Variants in RABGAP1L observed in about 807,000 individuals in gnomAD.
RABGAP1L encodes rab GTPase-activating protein 1-like.
Under a neutral mutation model 137.7 loss-of-function variants are expected in RABGAP1L, and 63 were observed. The ratio of observed to expected loss-of-function variants is 0.46; its 90% CI spans 0.37 to 0.56. The LOEUF is 0.56. Among genes scored for constraint, RABGAP1L ranks in the 20% least tolerant of loss-of-function variants. The pLI is 0.00. For missense variants in RABGAP1L, 1,095 were observed against 1,244.0 expected (o/e 0.88, Z 1.80); for synonymous variants, 431 against 433.7 (o/e 0.99, Z 0.08).
At chr1:174,919,170 C>T (rs745979810) in intron 19 of RABGAP1L, among the ~76,000 whole-genome samples, 17 of 152,148 alleles carry the variant, frequency 1.1e-4, no homozygotes, top group Non-Finnish European at 2.1e-4. Context: ...AGACATGCGC[C>T]GCCATGTCCA....
chr1:174,174,055 T>C lies in RABGAP1L; in HGVS notation c.-34+14398T>C, dbSNP rs1482627673. On this transcript the variant is annotated intron_variant, in intron 1 of 25. Transcript: ENST00000681986. ...TGTCGCTGAGAGCTTATTTTTACTTTATATATGATACTTAAGGTTTCTAAG... is the reference window on the plus strand; with the variant it reads ...TGTCGCTGAGAGCTTATTTTTACTTCATATATGATACTTAAGGTTTCTAAG... Among the ~76,000 whole-genome samples, 8 of 152,208 alleles carry C rather than the reference T, an allele frequency of 5.3e-5. No homozygotes were observed. In the East Asian group the frequency reaches 1.5e-3, roughly 29 times the overall value.
intron 13 of RABGAP1L, among the ~76,000 whole-genome samples, chr1:174,400,013 T>C (rs774513430): frequency 1.3e-5 from 2 of 152,158 alleles, no homozygotes; most frequent in Admixed American, 6.6e-5. Context: ...TTTAAATCTA[T>C]AGTAGGAATG....
At chr1:174,752,894 A>G (rs573598193) in intron 18 of RABGAP1L, among the ~76,000 whole-genome samples, 1 of 152,328 alleles carries the variant, frequency 6.6e-6, no homozygotes, top group Non-Finnish European at 1.5e-5. Flanking sequence ...TACAGCTTTA[A>G]TAATGTGGTA....
At chr1:174,815,370 A>C (rs1039524044) in intron 19 of RABGAP1L, among the ~76,000 whole-genome samples, 2 of 152,216 alleles carry the variant, frequency 1.3e-5, no homozygotes, top group Admixed American at 1.3e-4. Flanking sequence ...TGGAATAGGC[A>C]AGAAAGTTTA....
chr1:174,969,435 G>T lies in RABGAP1L; in HGVS notation c.2544+48G>T, dbSNP rs1334945617. ...TGATGACTTCCTCAGGGCAAAGACC[G>T]ATTTGCCCTCATCACCGCCCCCACA... On this transcript the variant is annotated intron_variant, in intron 21 of 25. Coordinates refer to ENST00000681986, the MANE Select transcript of RABGAP1L (RefSeq NM_001366446.1). The T allele has an allele frequency of 1.4e-5, 19 of 1,398,608 alleles. No individual in the cohort carries two copies. The South Asian group carries it at 2.3e-4, about 17-fold the overall frequency. 86.6% of individuals were successfully genotyped at this position (1,398,608 alleles called of 1,614,324 possible). A position where few individuals can be genotyped will look rare whatever the true frequency, so the allele number is the denominator to read the frequency against.
Position 174,159,640 on chromosome 1 carries a change from C to T in RABGAP1L, c.-51C>T, listed in dbSNP as rs1664241812. On this transcript the variant is annotated 5_prime_UTR_variant, in exon 1 of 26. Transcript: ENST00000681986. Reference sequence around the variant, plus strand: ...GAAGGAGTTGTTGTCTCGGCAGCGCCCGCGGAGACGTGAAGAGGTGAGGCG... The same window carrying T: ...GAAGGAGTTGTTGTCTCGGCAGCGCTCGCGGAGACGTGAAGAGGTGAGGCG... The T allele has an allele frequency of 1.3e-5, 2 of 152,308 alleles. No individual in the cohort carries two copies. The highest frequency in any genetic ancestry group is 4.8e-5 in the African/African-American group (2 of 41,460). 9.4% of individuals were successfully genotyped at this position (152,308 alleles called of 1,614,324 possible).
chr1:174,496,557 A>G (rs929452852), intron 13 of RABGAP1L, among the ~76,000 whole-genome samples: 13 of 152,236 alleles, frequency 8.5e-5, no homozygotes, highest in African/African-American at 3.1e-4. Flanking sequence ...TGAGGGCATC[A>G]GTAGTGGTTG....
At chr1:174,795,528 G>A (rs1445206337) in intron 18 of RABGAP1L, among the ~76,000 whole-genome samples, 1 of 152,118 alleles carries the variant, frequency 6.6e-6, no homozygotes, top group Non-Finnish European at 1.5e-5. Flanking sequence ...CTCTACAGAA[G>A]TATTGTTCCT....
Position 174,524,255 on chromosome 1 carries a change from T to G in RABGAP1L, c.1711-113120T>G, listed in dbSNP as rs1663685783. ...CGTTTTCCATAGTGGTTGTACTGAT[T>G]TATATTCCTACCAACAGCGTATAAG... On this transcript the variant is annotated intron_variant, in intron 13 of 25. Transcript: ENST00000681986. Among the ~76,000 whole-genome samples, 4 of 152,098 alleles carry G rather than the reference T, an allele frequency of 2.6e-5. No individual in the cohort carries two copies. The South Asian group carries it at 6.2e-4, about 24-fold the overall frequency.
At chr1:174,836,978 G>T (rs959727846) in intron 19 of RABGAP1L, among the ~76,000 whole-genome samples, 1 of 152,192 alleles carries the variant, frequency 6.6e-6, no homozygotes, top group East Asian at 1.9e-4. Context: ...AGGCCAAGGT[G>T]GGCAAATCAC....
chr1:174,787,446 T>C (rs1687538445), intron 18 of RABGAP1L, among the ~76,000 whole-genome samples: 1 of 150,966 alleles, frequency 6.6e-6, no homozygotes, highest in African/African-American at 2.4e-5. Flanking sequence ...ATCTGACTCT[T>C]GAAAGATTAG....
chr1:174,803,374 T>C (rs1031534842), intron 18 of RABGAP1L, among the ~76,000 whole-genome samples: 1 of 152,228 alleles, frequency 6.6e-6, no homozygotes, highest in Non-Finnish European at 1.5e-5. Flanking sequence ...AAATTCTATG[T>C]GTACATTCAC....
intron 11 of RABGAP1L, among the ~76,000 whole-genome samples, chr1:174,354,075 C>T (rs1683414072): frequency 6.6e-6 from 1 of 151,998 alleles, no homozygotes; most frequent in Non-Finnish European, 1.5e-5. Context: ...GCTTTGTATT[C>T]TTCCTTTTAG....
chr1:174,285,263 T>G lies in RABGAP1L; in HGVS notation c.1323+6484T>G, dbSNP rs550587797. ...AACTCCTGACTTCAGGTGATCTGCC[T>G]GCCTTGGCCTCCCAAAGTGCTAGGA... is the stretch of plus-strand genomic sequence containing the variant. On this transcript the variant is annotated intron_variant, in intron 10 of 25. Coordinates refer to ENST00000681986, the MANE Select transcript of RABGAP1L (RefSeq NM_001366446.1). Among the ~76,000 whole-genome samples, 385 of 152,226 alleles carry G rather than the reference T, an allele frequency of 2.5e-3. 24 individuals are homozygous for G. The South Asian group carries it at 0.079, about 31-fold the overall frequency.
At chr1:174,649,910 C>A (rs1173683529) in intron 14 of RABGAP1L, among the ~76,000 whole-genome samples, 5 of 152,032 alleles carry the variant, frequency 3.3e-5, no homozygotes, top group Non-Finnish European at 7.4e-5. Context: ...CTGTCTTGTG[C>A]CAGTTTTCAA....
intron 18 of RABGAP1L, among the ~76,000 whole-genome samples, chr1:174,796,876 A>G (rs78583223): frequency 0.08 from 12,199 of 152,038 alleles, 674 homozygotes; most frequent in East Asian, 0.32. Context: ...GCATGGTGGC[A>G]CATGCTTGTA....
chr1:174,498,006 C>T (rs2149368624), intron 13 of RABGAP1L, among the ~76,000 whole-genome samples: 1 of 152,076 alleles, frequency 6.6e-6, no homozygotes, highest in South Asian at 2.1e-4. Flanking sequence ...AGATAAAATC[C>T]CTGAAAGTGC....
At chr1:174,518,311 C>T (rs1014988147) in intron 13 of RABGAP1L, among the ~76,000 whole-genome samples, 4 of 152,038 alleles carry the variant, frequency 2.6e-5, no homozygotes, top group African/African-American at 4.8e-5. Context: ...GGTTTCAGGA[C>T]GCCCACAGAC....
intron 18 of RABGAP1L, among the ~76,000 whole-genome samples, chr1:174,809,308 A>G (rs557950002): frequency 1.3e-5 from 2 of 152,226 alleles, no homozygotes; most frequent in East Asian, 3.9e-4. Flanking sequence ...CAGAGACTTA[A>G]CCTGAGTTAG....
Sources: allele counts gnomAD v4.1 joint callset (sites outside exome capture counted in the v4.1 genomes callset), GRCh38; gene constraint gnomAD v4.1.1; transcripts MANE v1.5; gene names NCBI Gene and HGNC (gene_info 2026-07-23, HGNC 2026-07-21).